SYNPR: variants seen among roughly 807,000 people sequenced by gnomAD.
SYNPR encodes the protein synaptoporin.
SYNPR carries 23 observed loss-of-function variants against 32.9 expected under a neutral mutation model. The ratio of observed to expected loss-of-function variants is 0.70; its 90% CI spans 0.50 to 0.99. The LOEUF (loss-of-function observed/expected upper bound fraction) is 0.99, where lower values mean the gene tolerates loss of function less well. Ranked by LOEUF, SYNPR falls within the 50% of genes least tolerant of loss-of-function variation. The probability of loss-of-function intolerance (pLI) is 0.00; values close to 1 mark genes in which losing one functional copy is unlikely to be tolerated. For synonymous variants in SYNPR, 146 were observed against 135.9 expected, an observed-to-expected ratio of 1.07 and a Z score of -0.52; for missense variants, 318 against 349.3, an observed-to-expected ratio of 0.91 and a Z score of 0.71.
rs373872722 is a variant in SYNPR, at chr3:63,235,403, T to G, written n.66+7023T>G. Reference sequence around the variant, plus strand: ...AAAGAGAACTTGAATTTACTAGATTTATGATAATGCCCACATCCATACTAT... The same window carrying G: ...AAAGAGAACTTGAATTTACTAGATTGATGATAATGCCCACATCCATACTAT... On this transcript the variant is annotated intron_variant and non_coding_transcript_variant, in intron 1 of 4. Coordinates refer to the SYNPR transcript ENST00000478456. Among the ~76,000 whole-genome samples, 4 of 152,192 alleles carry G rather than the reference T, an allele frequency of 2.6e-5. No individual in the cohort carries two copies. In the South Asian group the frequency reaches 8.3e-4, roughly 31 times the overall value.
intron 2 of SYNPR, among the ~76,000 whole-genome samples, chr3:63,414,633 G>A (rs746813634): frequency 3.9e-5 from 6 of 152,108 alleles, no homozygotes; most frequent in Non-Finnish European, 8.8e-5. Flanking sequence ...TAAATATTTT[G>A]AATCAGTCAA....
intron 2 of SYNPR, among the ~76,000 whole-genome samples, chr3:63,372,036 C>G (rs1404458157): frequency 1.3e-5 from 2 of 152,154 alleles, no homozygotes; most frequent in African/African-American, 4.8e-5. Context: ...GACCACAGAA[C>G]AGCCATCCCA....
intron 2 of SYNPR, among the ~76,000 whole-genome samples, chr3:63,257,250 C>T (rs191914674): frequency 5.3e-5 from 8 of 152,176 alleles, no homozygotes; most frequent in Admixed American, 1.3e-4. Context: ...AAGAGTAACT[C>T]CAAGACACAT....
intron 2 of SYNPR, among the ~76,000 whole-genome samples, chr3:63,464,947 C>T (rs1032251325): frequency 2.6e-5 from 4 of 152,146 alleles, no homozygotes; most frequent in Admixed American, 1.3e-4. Flanking sequence ...GTCTCTTCTG[C>T]AGTGCTGGAG....
intron 2 of SYNPR, among the ~76,000 whole-genome samples, chr3:63,388,039 C>T (rs1374952115): frequency 6.6e-6 from 1 of 152,100 alleles, no homozygotes; most frequent in Non-Finnish European, 1.5e-5. Context: ...GCTGAGCGGA[C>T]CCTGCAGGGA....
chr3:63,492,275 A>G (rs1701270059), intron 3 of SYNPR, among the ~76,000 whole-genome samples: 1 of 152,278 alleles, frequency 6.6e-6, no homozygotes, highest in East Asian at 1.9e-4. Flanking sequence ...CAACCAGATG[A>G]TGACTACCAC....
intron 2 of SYNPR, among the ~76,000 whole-genome samples, chr3:63,479,591 T>C (rs1050841021): frequency 6.6e-6 from 1 of 152,194 alleles, no homozygotes; most frequent in Non-Finnish European, 1.5e-5. Context: ...AGGCTTTTTT[T>C]CTACCCTTGA....
intron 4 of SYNPR, among the ~76,000 whole-genome samples, chr3:63,560,426 G>A (rs746055753): frequency 2.2e-4 from 33 of 152,206 alleles, no homozygotes; most frequent in Non-Finnish European, 3.7e-4. Context: ...CGAATTCACA[G>A]TAGGAGCAAG....
At chr3:63,571,360 C>T (rs960854203) in intron 4 of SYNPR, among the ~76,000 whole-genome samples, 1 of 152,142 alleles carries the variant, frequency 6.6e-6, no homozygotes, top group Non-Finnish European at 1.5e-5. Flanking sequence ...TTTTGCCTTT[C>T]TCTTTAAAAT....
chr3:63,271,738 A>T (rs2086536673), intron 3 of SYNPR, among the ~76,000 whole-genome samples: 1 of 152,098 alleles, frequency 6.6e-6, no homozygotes, highest in African/African-American at 2.4e-5. Flanking sequence ...ATCATCAGGG[A>T]AATAAAAAAA....
rs147924598 is a variant in SYNPR at position 63,587,773 on chromosome 3, T to C, written c.409-21352T>C. 4.8e-3 allele frequency among the ~76,000 whole-genome samples: 726 copies of C among 152,186 alleles called. 11 individuals are homozygous for C. The highest frequency in any genetic ancestry group is 0.017 in the African/African-American group (687 of 41,540). ...AATTTAGGTATCCTTGAGGTAATTG[T>C]TGGATTACCTCGGAGCAGTGCCTAT... is the stretch of plus-strand genomic sequence containing the variant. On this transcript the variant is annotated intron_variant, in intron 4 of 5. Coordinates refer to ENST00000478300, the MANE Select transcript of SYNPR (RefSeq NM_001130003.2).
chr3:63,309,948 A>G (rs1432497195), intron 2 of SYNPR, among the ~76,000 whole-genome samples: 1 of 151,866 alleles, frequency 6.6e-6, no homozygotes, highest in African/African-American at 2.4e-5. Flanking sequence ...GGTGTCTGAG[A>G]CGGTATTTGC....
At chr3:63,283,743 T>A (rs2086653845) in intron 2 of SYNPR, among the ~76,000 whole-genome samples, 1 of 151,280 alleles carries the variant, frequency 6.6e-6, no homozygotes. Context: ...ATGTACATAT[T>A]AAACTTACCC....
intron 2 of SYNPR, among the ~76,000 whole-genome samples, chr3:63,378,902 A>G (rs1187511112): frequency 6.6e-6 from 1 of 152,060 alleles, no homozygotes; most frequent in Non-Finnish European, 1.5e-5. Flanking sequence ...GATTCTAAAA[A>G]TCTTCTCTAA....
chr3:63,429,513 A>C (rs567038926), intron 2 of SYNPR, among the ~76,000 whole-genome samples: 1 of 152,192 alleles, frequency 6.6e-6, no homozygotes, highest in Non-Finnish European at 1.5e-5. Flanking sequence ...TTCTTCCTTA[A>C]TAGACATGAT....
chr3:63,597,608 C>G (rs780891781), intron 4 of SYNPR, among the ~76,000 whole-genome samples: 7 of 152,094 alleles, frequency 4.6e-5, no homozygotes, highest in Non-Finnish European at 1.0e-4. Context: ...GGATAGGCAA[C>G]CCAAACTTCA....
At chr3:63,385,476 C>T (rs2107075387) in intron 2 of SYNPR, among the ~76,000 whole-genome samples, 2 of 152,220 alleles carry the variant, frequency 1.3e-5, no homozygotes, top group Non-Finnish European at 2.9e-5. Flanking sequence ...GTATGTGCTC[C>T]ACAATTTGAG....
chr3:63,511,735 A>T (rs555350832), intron 3 of SYNPR, among the ~76,000 whole-genome samples: 10 of 152,120 alleles, frequency 6.6e-5, no homozygotes, highest in Non-Finnish European at 1.2e-4. Context: ...ACTTATAATT[A>T]TTGGCTCTCA....
chr3:63,223,773 C>T (rs1027508185), upstream of SYNPR, among the ~76,000 whole-genome samples: 1 of 152,144 alleles, frequency 6.6e-6, no homozygotes, highest in African/African-American at 2.4e-5. Flanking sequence ...TTTTCTCTCA[C>T]TATGTCATTT....
Sources: gnomAD v4.1 joint callset for allele counts (sites outside exome capture counted in the v4.1 genomes callset) on GRCh38, gnomAD v4.1.1 for gene constraint, MANE v1.5 for transcripts, NCBI Gene and HGNC (gene_info 2026-07-23, HGNC 2026-07-21) for gene names.